The following SHLD1 variants were observed in gnomAD, a reference collection of about 807,000 sequenced individuals.
The protein encoded by SHLD1 is shieldin complex subunit 1.
Under a neutral mutation model 5.5 loss-of-function variants are expected in SHLD1, and 3 were observed. The ratio of observed to expected loss-of-function variants is 0.54; its 90% confidence interval spans 0.25 to 1.40. SHLD1 has a LOEUF of 1.40. Ranked by LOEUF, SHLD1 falls within the 40% of genes most tolerant of loss-of-function variation. The pLI is 0.15. For synonymous variants in SHLD1, 92 were observed against 94.3 expected (o/e 0.98, Z 0.14); for missense variants, 210 against 244.4 (o/e 0.86, Z 0.94).
At chr20:5,800,888 G>A (rs2087284112) in intron 2 of SHLD1, among the ~76,000 whole-genome samples, 1 of 152,016 alleles carries the variant, frequency 6.6e-6, no homozygotes, top group Admixed American at 6.6e-5. Flanking sequence ...AAAGGAAGAA[G>A]AGGTGATGAC....
At chr20:5,761,373 A>G (rs983237892) in intron 1 of SHLD1, among the ~76,000 whole-genome samples, 1 of 151,860 alleles carries the variant, frequency 6.6e-6, no homozygotes, top group Non-Finnish European at 1.5e-5. Context: ...GTATACCTAC[A>G]TAACAAATAT....
chr20:5,785,792 T>C (rs2122288406), intron 2 of SHLD1, among the ~76,000 whole-genome samples: 1 of 132,160 alleles, frequency 7.6e-6, no homozygotes, highest in African/African-American at 2.8e-5. Flanking sequence ...TAAGACTCCG[T>C]CTCCAAAAAA....
intron 2 of SHLD1, among the ~76,000 whole-genome samples, chr20:5,828,287 C>T (rs2087689551): frequency 6.7e-6 from 1 of 148,404 alleles, no homozygotes; most frequent in Non-Finnish European, 1.5e-5. Flanking sequence ...CATATCTGTG[C>T]TAGTCATCAC....
At chr20:5,831,546 C>A (rs1419918262) in intron 2 of SHLD1, among the ~76,000 whole-genome samples, 1 of 152,092 alleles carries the variant, frequency 6.6e-6, no homozygotes, top group Admixed American at 6.5e-5. Context: ...TTTCTGGAAC[C>A]ATGTGGTGAC....
intron 2 of SHLD1, among the ~76,000 whole-genome samples, chr20:5,777,370 GAA>G (rs1368280019): frequency 6.6e-6 from 1 of 152,048 alleles, no homozygotes; most frequent in Non-Finnish European, 1.5e-5. Context: ...AACAAACTTG[GAA>G]AAGTTAGGAA....
At chr20:5,764,548 A>AAT (rs59970610) in intron 1 of SHLD1, among the ~76,000 whole-genome samples, 41 of 149,590 alleles carry the variant, frequency 2.7e-4, no homozygotes, top group Non-Finnish European at 4.5e-4. Context: ...AAAAAAAAAA[A>AAT]TTTTGCCAAG....
At chr20:5,793,828 C>T (rs1327768650) in intron 2 of SHLD1, among the ~76,000 whole-genome samples, 2 of 152,082 alleles carry the variant, frequency 1.3e-5, no homozygotes, top group Non-Finnish European at 2.9e-5. Flanking sequence ...CTGCCTCATC[C>T]TCCTGAGTAG....
intron 2 of SHLD1, among the ~76,000 whole-genome samples, chr20:5,848,022 T>C (rs2087952682): frequency 6.6e-6 from 1 of 152,198 alleles, no homozygotes; most frequent in African/African-American, 2.4e-5. Flanking sequence ...TGAAAAATAA[T>C]GTAGCATGTT....
Position 5,828,135 on chromosome 20 carries a change from C to T in SHLD1, c.179-34889C>T, listed in dbSNP as rs903155212. Among the ~76,000 whole-genome samples, 3 of 152,226 alleles carry T rather than the reference C, an allele frequency of 2.0e-5. No homozygotes were observed. The East Asian group carries it at 5.8e-4, about 29-fold the overall frequency. On this transcript the variant is annotated intron_variant, in intron 2 of 2. Coordinates refer to ENST00000303142, the MANE Select transcript of SHLD1 (RefSeq NM_152504.4). ...AACCAAGTCACTCCCTAACTTGCCT[C>T]CCCCCAACATACATCTAGATTTAGT...
intron 2 of SHLD1, among the ~76,000 whole-genome samples, chr20:5,784,011 G>A (rs1175476910): frequency 6.6e-6 from 1 of 152,050 alleles, no homozygotes; most frequent in African/African-American, 2.4e-5. Flanking sequence ...AATTAGCCAG[G>A]TTGGTGGTGT....
chr20:5,853,178 T>C (rs1208977280), intron 2 of SHLD1, among the ~76,000 whole-genome samples: 1 of 152,118 alleles, frequency 6.6e-6, no homozygotes, highest in African/African-American at 2.4e-5. Context: ...CAAAAATCCT[T>C]GAGTGGGAGA....
At chr20:5,803,405 G>T (rs1250554265) in intron 2 of SHLD1, among the ~76,000 whole-genome samples, 6 of 152,112 alleles carry the variant, frequency 3.9e-5, no homozygotes, top group Non-Finnish European at 1.5e-5. Context: ...CTGGCCTCAA[G>T]TGATCCTTCC....
At chr20:5,780,945 A>G (rs1034584848) in intron 2 of SHLD1, among the ~76,000 whole-genome samples, 2 of 152,236 alleles carry the variant, frequency 1.3e-5, no homozygotes, top group Admixed American at 1.3e-4. Flanking sequence ...AGTAGCAAGG[A>G]CATGAGACTT....
At chr20:5,818,493 A>G (rs2087566569) in intron 2 of SHLD1, among the ~76,000 whole-genome samples, 1 of 152,198 alleles carries the variant, frequency 6.6e-6, no homozygotes, top group South Asian at 2.1e-4. Flanking sequence ...GTAGTAAGTA[A>G]AGGCAGGGAT....
intron 2 of SHLD1, among the ~76,000 whole-genome samples, chr20:5,851,221 C>A (rs948167928): frequency 6.6e-6 from 1 of 152,166 alleles, no homozygotes; most frequent in African/African-American, 2.4e-5. Context: ...AATGGTGGCT[C>A]ATATTTGTAA....
intron 2 of SHLD1, among the ~76,000 whole-genome samples, chr20:5,804,795 G>A (rs574493431): frequency 1.3e-5 from 2 of 152,200 alleles, no homozygotes; most frequent in Non-Finnish European, 2.9e-5. Flanking sequence ...AACTTGAAGT[G>A]TTTGAAGGCA....
rs1983665930 is a variant in SHLD1 at position 5,750,496 on chromosome 20, A to AGGGG, written c.-5+17_-5+18insGGGG. The AGGGG allele has an allele frequency of 9.4e-5, 1 of 10,624 alleles. No homozygotes were observed. Among genetic ancestry groups the AGGGG allele is most frequent in the South Asian group, 3.3e-3 (1 of 302 alleles). 0.7% of individuals were successfully genotyped at this position (10,624 alleles called of 1,614,324 possible). On this transcript the variant is annotated intron_variant, in intron 1 of 2. Transcript: ENST00000303142. ...GGAGGAGAGGTAAGCGCGGGATGGG[A>AGGGG]TGGGGGGGGGTTGGAGTGGTGGGGG...
chr20:5,767,282 C>T (rs1306718270), intron 1 of SHLD1, among the ~76,000 whole-genome samples: 1 of 152,012 alleles, frequency 6.6e-6, no homozygotes, highest in African/African-American at 2.4e-5. Flanking sequence ...TACAGGCATG[C>T]ACCACTCTGC....
chr20:5,838,788 A>G (rs931597000), intron 2 of SHLD1, among the ~76,000 whole-genome samples: 1 of 152,236 alleles, frequency 6.6e-6, no homozygotes, highest in South Asian at 2.1e-4. Context: ...AAAAATAAAT[A>G]AAGAATTAAA....
Sources: allele counts gnomAD v4.1 joint callset (sites outside exome capture counted in the v4.1 genomes callset), GRCh38; gene constraint gnomAD v4.1.1; transcripts MANE v1.5; gene names NCBI Gene and HGNC (gene_info 2026-07-23, HGNC 2026-07-21).